STK32B: variants seen among roughly 807,000 people sequenced by gnomAD.
The protein encoded by STK32B is serine/threonine-protein kinase 32B.
In STK32B, 43 loss-of-function variants were observed where a neutral mutation model predicts 52.6. The observed-to-expected ratio is 0.82, with a 90% CI of 0.64 to 1.05. The LOEUF (loss-of-function observed/expected upper bound fraction) is 1.05. Ranked by LOEUF, STK32B falls within the 50% of genes least tolerant of loss-of-function variation. The pLI is 0.00. For missense variants in STK32B, 621 were observed against 534.6 expected (o/e 1.16, Z -1.59); for synonymous variants, 238 against 204.3 (o/e 1.17, Z -1.41).
intron 3 of STK32B, among the ~76,000 whole-genome samples, chr4:5,265,811 G>T (rs917181286): frequency 6.6e-5 from 10 of 151,642 alleles, no homozygotes; most frequent in Admixed American, 1.3e-4. Context: ...TTTATTTTGG[G>T]CTTGATATTC....
chr4:5,384,779 G>T (rs1736141715), intron 4 of STK32B, among the ~76,000 whole-genome samples: 1 of 152,096 alleles, frequency 6.6e-6, no homozygotes, highest in Non-Finnish European at 1.5e-5. Context: ...GGTGCCCGTG[G>T]GACTGAAGAA....
chr4:5,346,025 T>C (rs2108977873), intron 4 of STK32B, among the ~76,000 whole-genome samples: 1 of 152,204 alleles, frequency 6.6e-6, no homozygotes, highest in South Asian at 2.1e-4. Flanking sequence ...TGCTTGTGGG[T>C]GTATGGTTGT....
At chr4:5,413,754 G>T (rs195107) in intron 5 of STK32B, among the ~76,000 whole-genome samples, 102,679 of 152,056 alleles carry the variant, frequency 0.68, 35,088 homozygotes, top group Middle Eastern at 0.77. Context: ...CTGACCAAGG[G>T]TCTGAGAGGC....
In STK32B at chr4:5,380,070, T is replaced by C. The variant is rs1294352844; in HGVS notation, c.435-18137T>C. On this transcript the variant is annotated intron_variant, in intron 4 of 11. Coordinates refer to ENST00000282908, the MANE Select transcript of STK32B (RefSeq NM_018401.3). This position sits in a 1 kb window ranked among gnomAD's most constrained non-coding sequence, Gnocchi z 4.3. Reference sequence around the variant, plus strand: ...CACTGCCTCGATCACGGGGCTATGCTCACTGTGCAGAGCATCTCCCCAGCC... The same window carrying C: ...CACTGCCTCGATCACGGGGCTATGCCCACTGTGCAGAGCATCTCCCCAGCC... 6.6e-6 allele frequency among the ~76,000 whole-genome samples: 1 copy of C among 152,118 alleles called. No homozygotes were observed. The highest frequency in any genetic ancestry group is 1.5e-5 in the Non-Finnish European group (1 of 68,024).
the STK32B span, among the ~76,000 whole-genome samples, chr4:5,042,983 G>A: frequency 6.6e-6 from 1 of 151,910 alleles, no homozygotes; most frequent in Admixed American, 6.5e-5. Context: ...GCGGGCGCCT[G>A]TAGTCCCAGC....
At chr4:5,090,043 C>G (rs1406995453) in intron 1 of STK32B, among the ~76,000 whole-genome samples, 1 of 152,034 alleles carries the variant, frequency 6.6e-6, no homozygotes, top group African/African-American at 2.4e-5. Flanking sequence ...ATGTCTTTTG[C>G]CCACTTTTTG....
Position 5,112,179 on chromosome 4 carries a change from A to T in STK32B, c.53-27726A>T, listed in dbSNP as rs185952811. On this transcript the variant is annotated intron_variant, in intron 1 of 11. Coordinates refer to ENST00000282908, the MANE Select transcript of STK32B (RefSeq NM_018401.3). Reference sequence around the variant, plus strand: ...ACAGCAAAGAGAAGCAGGTGCTTGCAGTCTGTGGATTGAAACAGTAAGGAT... The same window carrying T: ...ACAGCAAAGAGAAGCAGGTGCTTGCTGTCTGTGGATTGAAACAGTAAGGAT... Among the ~76,000 whole-genome samples the T allele has an allele frequency of 8.7e-4, 133 of 152,280 alleles. 1 individual carries two copies. The highest frequency in any genetic ancestry group is 2.9e-3 in the African/African-American group (121 of 41,544).
At chr4:5,284,132 T>G (rs1182451845) in intron 3 of STK32B, among the ~76,000 whole-genome samples, 2 of 152,140 alleles carry the variant, frequency 1.3e-5, no homozygotes, top group Non-Finnish European at 2.9e-5. Context: ...TTGTATGTGA[T>G]TAAAGGCACA....
intron 3 of STK32B, among the ~76,000 whole-genome samples, chr4:5,192,780 C>G (rs1281058923): frequency 6.6e-6 from 1 of 152,072 alleles, no homozygotes. Flanking sequence ...ACAAGTCGTT[C>G]TTACCAGCTG....
chr4:5,164,920 G>T (rs906673491), intron 2 of STK32B, among the ~76,000 whole-genome samples: 28 of 152,142 alleles, frequency 1.8e-4, no homozygotes, highest in African/African-American at 6.0e-4. Context: ...TCCTGGTCAG[G>T]TTAATTAAGC....
chr4:5,120,116 A>T (rs1399769333), intron 1 of STK32B, among the ~76,000 whole-genome samples: 1 of 152,216 alleles, frequency 6.6e-6, no homozygotes, highest in Non-Finnish European at 1.5e-5. Context: ...CACCCAGGAC[A>T]TGAATCTCCC....
chr4:5,184,402 C>CCAAAA (rs1223259465), intron 3 of STK32B, among the ~76,000 whole-genome samples: 1 of 151,892 alleles, frequency 6.6e-6, no homozygotes, highest in Non-Finnish European at 1.5e-5. Flanking sequence ...TCATGATGCC[C>CCAAAA]CAAAACAATT....
chr4:5,022,145 C>T, the STK32B span, among the ~76,000 whole-genome samples: 54 of 152,322 alleles, frequency 3.5e-4, no homozygotes, highest in East Asian at 6.0e-3. Context: ...AGGGTTCCTC[C>T]GCATCCTATG....
intron 3 of STK32B, among the ~76,000 whole-genome samples, chr4:5,186,891 A>G (rs992014835): frequency 6.6e-6 from 1 of 152,188 alleles, no homozygotes; most frequent in Non-Finnish European, 1.5e-5. Context: ...TGTAAGTGAC[A>G]TGAGTTTGTT....
At chr4:5,019,424 G>C in the STK32B span, 3 of 1,482,670 alleles carry the variant, frequency 2.0e-6, no homozygotes, top group Non-Finnish European at 2.7e-6. Flanking sequence ...AGCAGCACGG[G>C]CAGAGGCCCA....
At chr4:5,161,835 CT>C (rs1399797295) in intron 2 of STK32B, among the ~76,000 whole-genome samples, 2 of 152,022 alleles carry the variant, frequency 1.3e-5, no homozygotes, top group Admixed American at 6.5e-5. Context: ...TTTCTTCCCC[CT>C]ACCCCCACCC....
chr4:5,492,741 A>T (rs1452808392), intron 11 of STK32B, among the ~76,000 whole-genome samples: 4 of 151,370 alleles, frequency 2.6e-5, no homozygotes, highest in Non-Finnish European at 4.4e-5. Flanking sequence ...CTATTTTGAG[A>T]TACGTCCCAT....
At chr4:5,495,782 T>C (rs1361885316) in intron 11 of STK32B, among the ~76,000 whole-genome samples, 1 of 152,216 alleles carries the variant, frequency 6.6e-6, no homozygotes, top group Admixed American at 6.5e-5. Flanking sequence ...GTTTGTTAGT[T>C]TTCCTTCTAA....
intron 4 of STK32B, among the ~76,000 whole-genome samples, chr4:5,343,859 C>T (rs1481252770): frequency 6.6e-6 from 1 of 152,204 alleles, no homozygotes; most frequent in Non-Finnish European, 1.5e-5. Context: ...AGTAGCCTAT[C>T]ACAAGCATGA....
Sources: allele counts gnomAD v4.1 joint callset (sites outside exome capture counted in the v4.1 genomes callset), GRCh38; gene constraint gnomAD v4.1.1; non-coding constraint Gnocchi (gnomAD v3.1); transcripts MANE v1.5; gene names NCBI Gene and HGNC (gene_info 2026-07-23, HGNC 2026-07-21).